Variants in MAP3K12 observed in about 807,000 individuals in gnomAD.
MAP3K12 encodes the protein mitogen-activated protein kinase kinase kinase 12.
In MAP3K12, 14 loss-of-function variants were observed where a neutral mutation model predicts 87.5. That is an observed-to-expected ratio of 0.16 (90% CI 0.11 to 0.25). The LOEUF is 0.25. Ranked by LOEUF, MAP3K12 falls within the 10% of genes least tolerant of loss-of-function variation. The probability of loss-of-function intolerance (pLI) is 1.00; values close to 1 mark genes in which losing one functional copy is unlikely to be tolerated. For missense variants in MAP3K12, 802 were observed against 1,140.4 expected, an observed-to-expected ratio of 0.70 and a Z score of 4.27; for synonymous variants, 469 against 452.5, an observed-to-expected ratio of 1.04 and a Z score of -0.46.
rs1214914541 is a variant in MAP3K12 at position 53,486,594 on chromosome 12, G to T, written c.474C>A (p.Ile158=). 6.2e-7 allele frequency: 1 copy of T among 1,610,004 alleles called. No homozygotes were observed. The highest frequency in any genetic ancestry group is 8.5e-7 in the Non-Finnish European group (1 of 1,178,164). ...CTGAGCCCACCCACTGCAGGTCCAG[G>T]ATTTCCTCAAAGGGGACCTCCCAAA... ...EDLWEVPFEE[I]LDLQWVGSGA... The change falls in exon 3 of 14, where the codon ATC becomes ATA. Residue 158 remains isoleucine (I), a synonymous_variant. Transcript: ENST00000547488. This position sits in a 1 kb window ranked among gnomAD's most constrained non-coding sequence, Gnocchi z 4.9.
chr12:53,481,071 G>C lies in MAP3K12; in HGVS notation c.*111C>G. 1 of 394,706 alleles carries C rather than the reference G, an allele frequency of 2.5e-6. No individual in the cohort carries two copies. Among genetic ancestry groups the C allele is most frequent in the Non-Finnish European group, 3.7e-6 (1 of 268,118 alleles). The allele number at this position is 394,706 out of a possible 1,614,324, so 24.5% of individuals were successfully genotyped here. ...CAGTCTCCCTCGAGCCTGACTTACG[G>C]CTGGGACAGCCCCATCTTTCTGTTG... On this transcript the variant is annotated 3_prime_UTR_variant, in exon 14 of 14. Transcript: ENST00000547488.
chr12:53,484,996 C>G, intron 6 of MAP3K12, 60 bp downstream of exon 6: 2 of 1,602,382 alleles, frequency 1.2e-6, no homozygotes, highest in Non-Finnish European at 1.7e-6. Flanking sequence ...CAGTCCAGCC[C>G]AGTACTACCG....
chr12:53,482,376 G>T lies in MAP3K12; in HGVS notation c.2239-7C>A. 2 of 1,613,734 alleles carry T rather than the reference G, an allele frequency of 1.2e-6. No individual in the cohort carries two copies. The highest frequency in any genetic ancestry group is 1.7e-6 in the Non-Finnish European group (2 of 1,179,890). On this transcript the variant is annotated splice_polypyrimidine_tract_variant and splice_region_variant and intron_variant, in intron 11 of 13. Transcript: ENST00000547488. ...CCGATGAGATGCCACGTTTCTGCAGGAGAGATGGGGTGGGGGGGGTCTGAT... is the reference window on the plus strand; with the variant it reads ...CCGATGAGATGCCACGTTTCTGCAGTAGAGATGGGGTGGGGGGGGTCTGAT...
At position 53,480,671 on chromosome 12, in the gene MAP3K12, G is replaced by A. The variant is rs1565880295; in HGVS notation, c.*511C>T. 6.6e-6 allele frequency: 1 copy of A among 152,478 alleles called. No homozygotes were observed. Among genetic ancestry groups the A allele is most frequent in the Admixed American group, 6.6e-5 (1 of 15,266 alleles). 9.4% of individuals were successfully genotyped at this position (152,478 alleles called of 1,614,324 possible). A position where few individuals can be genotyped will look rare whatever the true frequency, so the allele number is the denominator to read the frequency against. On this transcript the variant is annotated 3_prime_UTR_variant, in exon 14 of 14. Coordinates refer to ENST00000547488, the MANE Select transcript of MAP3K12 (RefSeq NM_001193511.2). ...CCCCTGGGCCTTAAGACAGGGCTTGGGCAGAGAAGATAAATGGTGGGACAA... is the reference window on the plus strand; with the variant it reads ...CCCCTGGGCCTTAAGACAGGGCTTGAGCAGAGAAGATAAATGGTGGGACAA...
rs879244280 is a variant in MAP3K12, at chr12:53,479,671, G to GTTTTTTTTTTTTTTTTTGGTT, written c.*1510_*1511insAACCAAAAAAAAAAAAAAAAA. 9.7e-6 allele frequency: 2 copies of GTTTTTTTTTTTTTTTTTGGTT among 206,770 alleles called. No individual in the cohort carries two copies. The highest frequency in any genetic ancestry group is 9.2e-6 in the Non-Finnish European group (1 of 108,882). The allele number at this position is 206,770 out of a possible 1,614,324, so 12.8% of individuals were successfully genotyped here. A position where few individuals can be genotyped will look rare whatever the true frequency, so the allele number is the denominator to read the frequency against. ...ATTTAGTTTTATAAGCTTCTCCCTG[G>GTTTTTTTTTTTTTTTTTGGTT]TTTTTTTTTTTTGGCTCATGAATTT... On this transcript the variant is annotated 3_prime_UTR_variant, in exon 14 of 14. Transcript: ENST00000547488.
Position 53,486,869 on chromosome 12 carries a change from C to A in MAP3K12, c.445+78G>T. 3 of 1,575,732 alleles carry A rather than the reference C, an allele frequency of 1.9e-6. No individual in the cohort carries two copies. Among genetic ancestry groups the A allele is most frequent in the Admixed American group, 1.7e-5 (1 of 58,074 alleles). On this transcript the variant is annotated intron_variant, in intron 2 of 13. Coordinates refer to ENST00000547488, the MANE Select transcript of MAP3K12 (RefSeq NM_001193511.2). The surrounding 1 kb of genome is among the most constrained non-coding windows in gnomAD (Gnocchi z 4.9). ...GCCATGGGGAGGGAAGGGACCATTG[C>A]GTGACTTTAGCGGAGCTGACCAACA...
At chr12:53,491,455 A>G (rs1294013367) in intron 1 of MAP3K12, among the ~76,000 whole-genome samples, 1 of 145,854 alleles carries the variant, frequency 6.9e-6, no homozygotes, top group Non-Finnish European at 1.5e-5. Context: ...TTTTTTTGAG[A>G]TGGAGTCTTG....
At position 53,485,430 on chromosome 12, in the gene MAP3K12, G is replaced by A; in HGVS notation, c.867C>T (p.Gly289=). Residue 289 remains glycine, a synonymous_variant, in exon 5 of 14, where the codon GGC becomes GGT. Coordinates refer to ENST00000547488, the MANE Select transcript of MAP3K12 (RefSeq NM_001193511.2). ...YDDVVKISDF[G]TSKELSDKST... is the part of the protein sequence containing the mutation. Reference sequence around the variant, plus strand: ...TCTTGTCACTCAGCTCCTTGGAAGTGCCAAAATCTGAGATCTTCACCACAT... The same window carrying A: ...TCTTGTCACTCAGCTCCTTGGAAGTACCAAAATCTGAGATCTTCACCACAT... 6.2e-7 allele frequency: 1 copy of A among 1,614,184 alleles called. No individual in the cohort carries two copies. Among genetic ancestry groups the A allele is most frequent in the Non-Finnish European group, 8.5e-7 (1 of 1,180,032 alleles).
intron 1 of MAP3K12, 104 bp from the exon 2 acceptor site, chr12:53,487,532 G>A: frequency 8.6e-7 from 1 of 1,164,176 alleles, no homozygotes; most frequent in Middle Eastern, 3.0e-4. Flanking sequence ...GTTCACAGTA[G>A]CCCCGCTGGA....
intron 7 of MAP3K12, 80 bp downstream of exon 7, chr12:53,484,177 A>G: frequency 6.9e-7 from 1 of 1,439,128 alleles, no homozygotes. Flanking sequence ...CACTCAACCC[A>G]TTTCCCAGCC....
chr12:53,491,180 C>T (rs1356462143), intron 1 of MAP3K12, among the ~76,000 whole-genome samples: 1 of 146,276 alleles, frequency 6.8e-6, no homozygotes, highest in African/African-American at 2.5e-5. Context: ...CCCAGCTACT[C>T]GGGAGGCTGA....
chr12:53,481,781 G>T, intron 13 of MAP3K12, 160 bp downstream of exon 13: 2 of 809,202 alleles, frequency 2.5e-6, no homozygotes, highest in Non-Finnish European at 3.8e-6. Flanking sequence ...CGTAATAGAT[G>T]CTCTGTGCAA....
intron 1 of MAP3K12, among the ~76,000 whole-genome samples, chr12:53,489,138 T>C (rs1383239061): frequency 6.7e-6 from 1 of 149,778 alleles, no homozygotes; most frequent in African/African-American, 2.5e-5. Context: ...CAAAACCCTG[T>C]CTCTACCAAA....
intron 1 of MAP3K12, among the ~76,000 whole-genome samples, chr12:53,498,292 C>T (rs1348867072): frequency 6.6e-6 from 1 of 152,126 alleles, no homozygotes; most frequent in African/African-American, 2.4e-5. Flanking sequence ...CTTGGTAGGA[C>T]CCTCTGGCTG....
Position 53,487,227 on chromosome 12 carries a change from A to G in MAP3K12, c.165T>C (p.Leu55=), listed in dbSNP as rs1943253074. The part of the protein sequence containing the change: ...TQCVLRDVVP[L]GGQGGGGPSP... ...TGGGCCCTCCCCCACCCTGCCCACC[A>G]AGGGGTACCACATCTCGAAGTACAC... Residue 55 remains leucine (L), a synonymous_variant, in exon 2 of 14, where the codon CTT becomes CTC. Transcript: ENST00000547488. 6.2e-7 allele frequency: 1 copy of G among 1,611,472 alleles called. No homozygotes were observed. The highest frequency in any genetic ancestry group is 8.5e-7 in the Non-Finnish European group (1 of 1,178,922).
rs1262716516 is a variant in MAP3K12, at chr12:53,481,112, T to C, written c.*70A>G. On this transcript the variant is annotated 3_prime_UTR_variant, in exon 14 of 14. Transcript: ENST00000547488. ...CTTTCTGTTGATTATGTGGCGCATA[T>C]ATATATATATATGTATATATATATA... is the stretch of plus-strand genomic sequence containing the variant. The C allele has an allele frequency of 5.4e-6, 3 of 558,432 alleles. No individual in the cohort carries two copies. Among genetic ancestry groups the C allele is most frequent in the Non-Finnish European group, 7.4e-6 (3 of 407,964 alleles). The allele number at this position is 558,432 out of a possible 1,614,324, so 34.6% of individuals were successfully genotyped here.
At chr12:53,494,669 G>A (rs926018967) in intron 1 of MAP3K12, among the ~76,000 whole-genome samples, 1 of 152,148 alleles carries the variant, frequency 6.6e-6, no homozygotes, top group Admixed American at 6.5e-5. Flanking sequence ...CTCACACTGA[G>A]TGCTCTCCAC....
chr12:53,482,214 A>G lies in MAP3K12; in HGVS notation c.2310-3T>C, dbSNP rs918612448. 4.3e-6 allele frequency: 7 copies of G among 1,614,166 alleles called. No homozygotes were observed. The highest frequency in any genetic ancestry group is 1.1e-5 in the South Asian group (1 of 91,084). ...GCATGTTCAGGCTCTGAGGCCACCT[A>G]CATGTTGAAGAGGGGGATTACAGCT... On this transcript the variant is annotated splice_polypyrimidine_tract_variant and splice_region_variant and intron_variant, in intron 12 of 13. Transcript: ENST00000547488.
rs756170854 is a variant in MAP3K12 at position 53,482,988 on chromosome 12, T to C, written c.1815A>G (p.Gly605=). 6.3e-7 allele frequency: 1 copy of C among 1,576,364 alleles called. No homozygotes were observed. The part of the protein sequence containing the change: ...LRTAVPPHEP[G]GPGSPGGLGG... ...CTAGGCCCCCTGGGCTTCCTGGTCC[T>C]CCAGGTTCATGGGGTGGCACAGCTG... Residue 605 remains glycine, a synonymous_variant, in exon 11 of 14, where the codon GGA becomes GGG. Coordinates refer to ENST00000547488, the MANE Select transcript of MAP3K12 (RefSeq NM_001193511.2).
Sources: allele counts gnomAD v4.1 joint callset (sites outside exome capture counted in the v4.1 genomes callset), GRCh38; gene constraint gnomAD v4.1.1; non-coding constraint Gnocchi (gnomAD v3.1); transcripts MANE v1.5; gene names NCBI Gene and HGNC (gene_info 2026-07-23, HGNC 2026-07-21).